Variants in TRIB2 observed in about 807,000 individuals in gnomAD.
TRIB2 encodes the protein tribbles homolog 2.
In TRIB2, 2 loss-of-function variants were observed where a neutral mutation model predicts 26.8. That is an observed-to-expected ratio of 0.07 (90% CI 0.03 to 0.24). The LOEUF is 0.24. Ranked by LOEUF, TRIB2 falls within the 10% of genes least tolerant of loss-of-function variation. The pLI, the probability that TRIB2 is intolerant of heterozygous loss-of-function variation, is 1.00. For missense variants in TRIB2, 306 were observed against 449.0 expected, an observed-to-expected ratio of 0.68 and a Z score of 2.88; for synonymous variants, 189 against 187.3, an observed-to-expected ratio of 1.01 and a Z score of -0.08.
chr2:12,738,338 T>A (rs142817604), intron 2 of TRIB2, among the ~76,000 whole-genome samples: 10 of 152,292 alleles, frequency 6.6e-5, no homozygotes, highest in Non-Finnish European at 1.0e-4. Flanking sequence ...CAATGCTTAC[T>A]TGAGCTTTTT....
chr2:12,722,278 G>C (rs1423021987), intron 1 of TRIB2, among the ~76,000 whole-genome samples: 1 of 152,230 alleles, frequency 6.6e-6, no homozygotes, highest in East Asian at 1.9e-4. Flanking sequence ...TCCTGCCTCA[G>C]ATGCTTTCCA....
At chr2:12,726,497 T>A (rs1325168552) in intron 2 of TRIB2, among the ~76,000 whole-genome samples, 1 of 152,244 alleles carries the variant, frequency 6.6e-6, no homozygotes, top group African/African-American at 2.4e-5. Context: ...CCATGCTTGC[T>A]GCTGGGAACT....
At position 12,740,479 on chromosome 2, in the gene TRIB2, C is replaced by T; in HGVS notation, c.717C>T (p.Ser239=). Residue 239 remains serine, a synonymous_variant, in exon 3 of 3, where the codon AGC becomes AGT. Transcript: ENST00000155926. The surrounding 1 kb of genome is among the most constrained non-coding windows in gnomAD (Gnocchi z 5.8). ...CGGGCAAAGCAGCCGACGTGTGGAGCCTGGGGGTGATGCTGTACACCATGT... is the reference window on the plus strand; with the variant it reads ...CGGGCAAAGCAGCCGACGTGTGGAGTCTGGGGGTGATGCTGTACACCATGT... ...SYSGKAADVW[S]LGVMLYTMLV... 1 of 1,614,130 alleles carries T rather than the reference C, an allele frequency of 6.2e-7. No individual in the cohort carries two copies.
intron 2 of TRIB2, among the ~76,000 whole-genome samples, chr2:12,727,530 G>A (rs1661363115): frequency 1.3e-5 from 2 of 152,138 alleles, no homozygotes; most frequent in African/African-American, 4.8e-5. Context: ...GCTCAGAAAG[G>A]CCAGATTGAC....
chr2:12,731,278 C>T (rs984479623), intron 2 of TRIB2, among the ~76,000 whole-genome samples: 18 of 152,050 alleles, frequency 1.2e-4, no homozygotes, highest in African/African-American at 3.9e-4. Flanking sequence ...CACAAAGAGC[C>T]GTGTGTAGGG....
chr2:12,738,781 CAA>C (rs1661642954), intron 2 of TRIB2, among the ~76,000 whole-genome samples: 1 of 152,174 alleles, frequency 6.6e-6, no homozygotes, highest in African/African-American at 2.4e-5. Context: ...TAGCCTTGAA[CAA>C]GTCACCGCGC....
intron 2 of TRIB2, among the ~76,000 whole-genome samples, chr2:12,728,305 C>A (rs1239100128): frequency 6.6e-6 from 1 of 152,242 alleles, no homozygotes; most frequent in Non-Finnish European, 1.5e-5. Flanking sequence ...CAGACGGGAG[C>A]TCCTGCTGAT....
chr2:12,740,609 T>A lies in TRIB2; in HGVS notation c.847T>A (p.Cys283Ser). 1.2e-6 allele frequency: 2 copies of A among 1,614,208 alleles called. No individual in the cohort carries two copies. Among genetic ancestry groups the A allele is most frequent in the African/African-American group, 1.3e-5 (1 of 75,048 alleles). Residue 283 changes from cysteine (C) to serine (S), a missense_variant, in exon 3 of 3, where the codon TGC (cysteine) becomes AGC (serine). By Grantham distance (112) the Cys-to-Ser change is moderately radical. Coordinates refer to ENST00000155926, the MANE Select transcript of TRIB2 (RefSeq NM_021643.4). The surrounding 1 kb of genome is among the most constrained non-coding windows in gnomAD (Gnocchi z 5.8). Reference sequence around the variant, plus strand: ...AGAGACTCTGTCGCCCAAGGCCAAGTGCCTCATCCGAAGCATTCTGCGTCG... The same window carrying A: ...AGAGACTCTGTCGCCCAAGGCCAAGAGCCTCATCCGAAGCATTCTGCGTCG... ...IPETLSPKAK[C>S]LIRSILRREP...
intron 2 of TRIB2, chr2:12,737,552 G>T (rs1477110915): frequency 1.3e-5 from 2 of 154,632 alleles, no homozygotes; most frequent in African/African-American, 4.8e-5. Context: ...AAGGACAAAA[G>T]AGATTTGTTT....
In TRIB2 at chr2:12,740,802, C is replaced by T; in HGVS notation, c.*8C>T. The T allele has an allele frequency of 4.3e-6, 7 of 1,609,558 alleles. No homozygotes were observed. Among genetic ancestry groups the T allele is most frequent in the Non-Finnish European group, 5.9e-6 (7 of 1,177,108 alleles). On this transcript the variant is annotated 3_prime_UTR_variant, in exon 3 of 3. Coordinates refer to ENST00000155926, the MANE Select transcript of TRIB2 (RefSeq NM_021643.4). This position sits in a 1 kb window ranked among gnomAD's most constrained non-coding sequence, Gnocchi z 5.8. The stretch of plus-strand genomic sequence containing the variant: ...GACCCTTTCTTTAACTGAGCTCATG[C>T]CCCACGGAGACTTAGCAGGTTCCAG...
Position 12,723,505 on chromosome 2 carries a change from G to GCTC in TRIB2, c.518_519insCCT (p.Leu173dup). On this transcript the variant is annotated inframe_insertion, in exon 2 of 3. Coordinates refer to ENST00000155926, the MANE Select transcript of TRIB2 (RefSeq NM_021643.4). The stretch of plus-strand genomic sequence containing the variant: ...CCCACTGCCATGACGGGGGGCTGGT[G>GCTC]CTGCGGGACCTCAAGCTGCGGAAAT... The GCTC allele has an allele frequency of 6.2e-7, 1 of 1,614,186 alleles. No homozygotes were observed. Among genetic ancestry groups the GCTC allele is most frequent in the Non-Finnish European group, 8.5e-7 (1 of 1,180,034 alleles).
chr2:12,721,605 A>T (rs1370695605), intron 1 of TRIB2, among the ~76,000 whole-genome samples: 1 of 152,230 alleles, frequency 6.6e-6, no homozygotes, highest in African/African-American at 2.4e-5. Flanking sequence ...TTGGGTCATC[A>T]TTTGACAGTA....
intron 1 of TRIB2, among the ~76,000 whole-genome samples, chr2:12,721,507 C>T (rs545611314): frequency 6.6e-5 from 10 of 152,290 alleles, no homozygotes; most frequent in Non-Finnish European, 1.5e-4. Context: ...TGAGGCTTCC[C>T]TGGGTTTCTG....
rs750705782 is a variant in TRIB2 at position 12,723,561 on chromosome 2, C to T, written c.563+9C>T. On this transcript the variant is annotated intron_variant, in intron 2 of 2. Transcript: ENST00000155926. Reference sequence around the variant, plus strand: ...TTTAAGGACGAAGAGAGGTAGGTCTCATCCTGTCCAGACCTGGGTACTGTG... The same window carrying T: ...TTTAAGGACGAAGAGAGGTAGGTCTTATCCTGTCCAGACCTGGGTACTGTG... 1.1e-5 allele frequency: 17 copies of T among 1,611,928 alleles called. No individual in the cohort carries two copies. Among genetic ancestry groups the T allele is most frequent in the African/African-American group, 1.3e-5 (1 of 75,034 alleles).
chr2:12,718,696 T>C lies in TRIB2; in HGVS notation c.270+119T>C, dbSNP rs1331179992. ...GGATAATTACCGTGGCCTTATTAAATGGGTTTATTTATTTATTTGCTCAGG... is the reference window on the plus strand; with the variant it reads ...GGATAATTACCGTGGCCTTATTAAACGGGTTTATTTATTTATTTGCTCAGG... On this transcript the variant is annotated intron_variant, in intron 1 of 2. Transcript: ENST00000155926. The surrounding 1 kb of genome is among the most constrained non-coding windows in gnomAD (Gnocchi z 4.0). 3.0e-6 allele frequency: 4 copies of C among 1,326,386 alleles called. No individual in the cohort carries two copies. Among genetic ancestry groups the C allele is most frequent in the Non-Finnish European group, 4.1e-6 (4 of 983,192 alleles). 82.2% of individuals were successfully genotyped at this position (1,326,386 alleles called of 1,614,324 possible).
At chr2:12,727,497 G>T (rs555389362) in intron 2 of TRIB2, among the ~76,000 whole-genome samples, 1 of 152,194 alleles carries the variant, frequency 6.6e-6, no homozygotes, top group Non-Finnish European at 1.5e-5. Flanking sequence ...CAAAGGTCAA[G>T]TGCACCTGGT....
chr2:12,717,988 C>A lies in TRIB2; in HGVS notation c.-320C>A. ...GCACCTTAGCAGCCCGGGTACTCAT[C>A]CAGATCCACGCCGGGGACACACACA... On this transcript the variant is annotated 5_prime_UTR_variant, in exon 1 of 3. Transcript: ENST00000155926. This position sits in a 1 kb window ranked among gnomAD's most constrained non-coding sequence, Gnocchi z 4.8. The A allele has an allele frequency of 2.9e-6, 1 of 341,150 alleles. No individual in the cohort carries two copies. The highest frequency in any genetic ancestry group is 5.3e-6 in the Non-Finnish European group (1 of 187,166). The allele number at this position is 341,150 out of a possible 1,614,324, so 21.1% of individuals were successfully genotyped here. A position where few individuals can be genotyped will look rare whatever the true frequency, so the allele number is the denominator to read the frequency against.
At position 12,718,174 on chromosome 2, in the gene TRIB2, C is replaced by G; in HGVS notation, c.-134C>G. The stretch of plus-strand genomic sequence containing the variant: ...GGGGGCTTCTAACTCTTTCTCCACG[C>G]AGCCCCTCTTCTGTCCCCTCCCCTC... On this transcript the variant is annotated 5_prime_UTR_variant, in exon 1 of 3. Coordinates refer to ENST00000155926, the MANE Select transcript of TRIB2 (RefSeq NM_021643.4). The surrounding 1 kb of genome is among the most constrained non-coding windows in gnomAD (Gnocchi z 4.0). 8.3e-7 allele frequency: 1 copy of G among 1,211,978 alleles called. No homozygotes were observed. Among genetic ancestry groups the G allele is most frequent in the Non-Finnish European group, 1.1e-6 (1 of 892,910 alleles). The allele number at this position is 1,211,978 out of a possible 1,614,324, so 75.1% of individuals were successfully genotyped here.
chr2:12,717,827 G>T lies in TRIB2; in HGVS notation c.-481G>T. 4.0e-6 allele frequency: 1 copy of T among 247,944 alleles called. No homozygotes were observed. Among genetic ancestry groups the T allele is most frequent in the Non-Finnish European group, 7.6e-6 (1 of 131,646 alleles). The allele number at this position is 247,944 out of a possible 1,614,324, so 15.4% of individuals were successfully genotyped here. ...CTTGTTTCCTTTCTCTTTTTGTTTG[G>T]CTTCTAACGCGTTGGGACTGAGTCG... is the stretch of plus-strand genomic sequence containing the variant. On this transcript the variant is annotated 5_prime_UTR_variant, in exon 1 of 3. Coordinates refer to ENST00000155926, the MANE Select transcript of TRIB2 (RefSeq NM_021643.4). The surrounding 1 kb of genome is among the most constrained non-coding windows in gnomAD (Gnocchi z 4.8).
Sources: gnomAD v4.1 joint callset for allele counts (sites outside exome capture counted in the v4.1 genomes callset) on GRCh38, gnomAD v4.1.1 for gene constraint, Gnocchi (gnomAD v3.1) non-coding constraint, MANE v1.5 for transcripts, NCBI Gene and HGNC (gene_info 2026-07-23, HGNC 2026-07-21) for gene names.